NUCB1: variants seen among roughly 807,000 people sequenced by gnomAD.
NUCB1 encodes the protein nucleobindin 1.
Under a neutral mutation model 61.2 loss-of-function variants are expected in NUCB1, and 47 were observed. The ratio of observed to expected loss-of-function variants is 0.77; its 90% CI spans 0.61 to 0.98. The LOEUF is 0.98. NUCB1 is among the 50% of genes least tolerant of loss of function. NUCB1 has a pLI of 0.00. For synonymous variants in NUCB1, 234 were observed against 243.1 expected (o/e 0.96, Z 0.35); for missense variants, 583 against 605.3 (o/e 0.96, Z 0.39).
chr19:48,917,137 C>T (rs1317505118), intron 7 of NUCB1, among the ~76,000 whole-genome samples: 1 of 151,844 alleles, frequency 6.6e-6, no homozygotes, highest in South Asian at 2.1e-4. Context: ...GTGGGAGGAT[C>T]ACTTGAGCCG....
chr19:48,918,599 C>T (rs2037567013), intron 7 of NUCB1, 127 bp from the exon 8 acceptor site: 6 of 757,138 alleles, frequency 7.9e-6, no homozygotes, highest in East Asian at 2.5e-5. Context: ...ACCGTTCCAC[C>T]GCGGGAGACC....
At chr19:48,908,732 G>C (rs1325534359) in intron 4 of NUCB1, among the ~76,000 whole-genome samples, 1 of 147,718 alleles carries the variant, frequency 6.8e-6, no homozygotes, top group Non-Finnish European at 1.5e-5. Context: ...GTGTGTGTGT[G>C]TGTGTGTGTG....
At chr19:48,915,807 C>A (rs530189809) in intron 7 of NUCB1, among the ~76,000 whole-genome samples, 1 of 151,834 alleles carries the variant, frequency 6.6e-6, no homozygotes, top group Non-Finnish European at 1.5e-5. Context: ...GGCACCACCC[C>A]CCGTGTTTTG....
intron 7 of NUCB1, among the ~76,000 whole-genome samples, chr19:48,914,522 C>T (rs1329393250): frequency 1.3e-5 from 2 of 152,134 alleles, no homozygotes; most frequent in Admixed American, 6.6e-5. Flanking sequence ...AAACAAAGTA[C>T]CTCCCCCTCA....
At chr19:48,915,331 T>TG (rs1555791911) in intron 7 of NUCB1, among the ~76,000 whole-genome samples, 1 of 19,460 alleles carries the variant, frequency 5.1e-5, no homozygotes, top group African/African-American at 3.6e-4. Context: ...ATACAAAAAT[T>TG]AAAAAACAAA....
intron 10 of NUCB1, 120 bp downstream of exon 10, chr19:48,919,406 C>T: frequency 3.2e-6 from 2 of 634,292 alleles, no homozygotes; most frequent in South Asian, 4.0e-5. Context: ...TCCTGGGTCA[C>T]TGCATCTCTA....
intron 7 of NUCB1, among the ~76,000 whole-genome samples, chr19:48,916,943 G>A (rs796668644): frequency 8.6e-5 from 13 of 151,784 alleles, no homozygotes; most frequent in South Asian, 2.1e-4. Context: ...AAATAGGCCC[G>A]GCGCAGTGGC....
chr19:48,913,731 G>A lies in NUCB1; in HGVS notation c.757+167G>A, dbSNP rs186452867. Among the ~76,000 whole-genome samples the A allele has an allele frequency of 2.6e-5, 4 of 152,270 alleles. No individual in the cohort carries two copies. In the East Asian group the frequency reaches 7.7e-4, roughly 29 times the overall value. On this transcript the variant is annotated intron_variant, in intron 7 of 12. Coordinates refer to ENST00000405315, the MANE Select transcript of NUCB1 (RefSeq NM_006184.6). ...ACAGCCCTGCCTCTCCCGACTACAA[G>A]GCTAGGATCTGCATGGAAGGGTTGG... is the stretch of plus-strand genomic sequence containing the variant.
At chr19:48,904,076 T>G (rs891502130) in intron 2 of NUCB1, among the ~76,000 whole-genome samples, 7 of 151,864 alleles carry the variant, frequency 4.6e-5, no homozygotes, top group Non-Finnish European at 8.8e-5. Flanking sequence ...AATGGGTGGA[T>G]GCATGGATGG....
At chr19:48,900,654 C>A in intron 1 of NUCB1, 132 bp from the exon 2 acceptor site, 2 of 1,244,342 alleles carry the variant, frequency 1.6e-6, no homozygotes, top group Non-Finnish European at 2.2e-6. Flanking sequence ...AATCCTGGGG[C>A]CTGGGTAACA....
intron 4 of NUCB1, among the ~76,000 whole-genome samples, chr19:48,907,914 C>G (rs561572843): frequency 6.6e-6 from 1 of 152,150 alleles, no homozygotes; most frequent in East Asian, 1.9e-4. Context: ...TTTGTCCGTT[C>G]GCCCCGCTCT....
chr19:48,921,478 G>C, intron 11 of NUCB1, 154 bp downstream of exon 11: 1 of 885,266 alleles, frequency 1.1e-6, no homozygotes. Flanking sequence ...AAGGGCAGAC[G>C]TTTTCCCGTC....
intron 7 of NUCB1, among the ~76,000 whole-genome samples, chr19:48,915,340 A>AAAT (rs1555791932): frequency 6.6e-6 from 1 of 151,058 alleles, no homozygotes; most frequent in East Asian, 2.0e-4. Flanking sequence ...TTAAAAAACA[A>AAAT]AACAAAAATT....
At chr19:48,919,437 CCT>C (rs973159379) in intron 10 of NUCB1, 151 bp downstream of exon 10, 8 of 517,318 alleles carry the variant, frequency 1.5e-5, no homozygotes, top group Middle Eastern at 3.9e-4. Flanking sequence ...TCTGTTTTCC[CCT>C]GTCTCTAGGA....
At chr19:48,905,224 C>G (rs934222946) in intron 3 of NUCB1, among the ~76,000 whole-genome samples, 2 of 152,122 alleles carry the variant, frequency 1.3e-5, no homozygotes, top group African/African-American at 2.4e-5. Flanking sequence ...TCCTATGGTG[C>G]CTTCTACAGA....
In NUCB1 at chr19:48,922,517, G is replaced by C; in HGVS notation, c.*93G>C. The stretch of plus-strand genomic sequence containing the variant: ...GCACAGTCAGCTTCCCTGGGGGCTG[G>C]TGTCATGTTGGGCTCCTGGGGCGGG... On this transcript the variant is annotated 3_prime_UTR_variant, in exon 13 of 13. Transcript: ENST00000405315. 1 of 1,009,226 alleles carries C rather than the reference G, an allele frequency of 9.9e-7. No individual in the cohort carries two copies. 62.5% of individuals were successfully genotyped at this position (1,009,226 alleles called of 1,614,324 possible).
intron 7 of NUCB1, 49 bp downstream of exon 7, chr19:48,913,613 C>T: frequency 4.1e-6 from 6 of 1,465,870 alleles, no homozygotes; most frequent in Non-Finnish European, 5.7e-6. Flanking sequence ...TAGATTCTGA[C>T]CCTTCTAGGA....
At chr19:48,912,039 A>G (rs1269291153) in intron 5 of NUCB1, among the ~76,000 whole-genome samples, 1 of 86,956 alleles carries the variant, frequency 1.2e-5, no homozygotes, top group Admixed American at 1.2e-4. Flanking sequence ...TTTTTTTTTT[A>G]CCTGAGACAG....
chr19:48,900,748 C>A (rs1473615109), intron 1 of NUCB1, 38 bp from the exon 2 acceptor site: 17 of 1,597,668 alleles, frequency 1.1e-5, no homozygotes, highest in Non-Finnish European at 1.5e-5. Flanking sequence ...AGGCTTGGGA[C>A]AGACATTATG....
Sources: allele counts gnomAD v4.1 joint callset (sites outside exome capture counted in the v4.1 genomes callset), GRCh38; gene constraint gnomAD v4.1.1; transcripts MANE v1.5; gene names NCBI Gene and HGNC (gene_info 2026-07-23, HGNC 2026-07-21).